The following ZNF26 variants were observed in gnomAD, a reference collection of about 807,000 sequenced individuals.
The protein encoded by ZNF26 is epididymis luminal protein 179.
A neutral mutation model predicts 54.9 loss-of-function variants in ZNF26; 32 were observed. That is an observed-to-expected ratio of 0.58 (90% CI 0.44 to 0.78). The LOEUF (loss-of-function observed/expected upper bound fraction) is 0.78, where lower values mean the gene tolerates loss of function less well. ZNF26 is among the 30% of genes least tolerant of loss of function. The pLI is 0.00. For missense variants in ZNF26, 524 were observed against 634.0 expected (o/e 0.83, Z 1.86); for synonymous variants, 221 against 209.2 (o/e 1.06, Z -0.49).
intron 1 of ZNF26, chr12:133,006,412 A>C (rs1953328539): frequency 2.0e-6 from 1 of 512,582 alleles, no homozygotes; most frequent in Non-Finnish European, 2.5e-6. Flanking sequence ...TCTGTACAAA[A>C]TGTACCCTGG....
rs2137280992 is a variant in ZNF26, at chr12:133,020,666, G to A, written c.*9185G>A. 6.6e-6 allele frequency: 1 copy of A among 152,190 alleles called. No individual in the cohort carries two copies. The highest frequency in any genetic ancestry group is 6.5e-5 in the Admixed American group (1 of 15,284). The allele number at this position is 152,190 out of a possible 1,614,324, so 9.4% of individuals were successfully genotyped here. Reference sequence around the variant, plus strand: ...ATCGTATAAGTTGTCTAGGACTGTCGTAACAAAGAACCACAAACTGGATGG... The same window carrying A: ...ATCGTATAAGTTGTCTAGGACTGTCATAACAAAGAACCACAAACTGGATGG... On this transcript the variant is annotated 3_prime_UTR_variant, in exon 4 of 4. Transcript: ENST00000328654.
intron 1 of ZNF26, chr12:132,987,768 G>A (rs1447233163): frequency 1.0e-6 from 1 of 981,298 alleles, no homozygotes; most frequent in East Asian, 1.1e-4. Context: ...AGAGGACCGA[G>A]GTGAGGACTC....
Position 133,022,374 on chromosome 12 carries a change from A to G in ZNF26, c.*10893A>G, listed in dbSNP as rs1953655246. 1 of 152,252 alleles carries G rather than the reference A, an allele frequency of 6.6e-6. No homozygotes were observed. The highest frequency in any genetic ancestry group is 1.5e-5 in the Non-Finnish European group (1 of 68,046). 9.4% of individuals were successfully genotyped at this position (152,252 alleles called of 1,614,324 possible). Reference sequence around the variant, plus strand: ...ATTTTCAGTGGCATCAAAATACAAAATAGATACAAATCTTATGGTGTTGGA... The same window carrying G: ...ATTTTCAGTGGCATCAAAATACAAAGTAGATACAAATCTTATGGTGTTGGA... On this transcript the variant is annotated 3_prime_UTR_variant, in exon 4 of 4. Coordinates refer to ENST00000328654, the MANE Select transcript of ZNF26 (RefSeq NM_019591.4).
intron 1 of ZNF26, 98 bp from the exon 2 acceptor site, chr12:133,006,944 T>C: frequency 7.2e-7 from 1 of 1,382,502 alleles, no homozygotes; most frequent in Non-Finnish European, 1.0e-6. Flanking sequence ...CAGGAAATAG[T>C]TGGTAGAGGA....
At position 133,009,806 on chromosome 12, in the gene ZNF26, C is replaced by T. The variant is rs970955128; in HGVS notation, c.257-330C>T. ...GCAACCTCCGCCTCCCAGGTTCAAG[C>T]GATTCTTCTGCCTCAGCTTCCCTAG... On this transcript the variant is annotated intron_variant, in intron 3 of 3. Transcript: ENST00000328654. Among the ~76,000 whole-genome samples, 9 of 152,222 alleles carry T rather than the reference C, an allele frequency of 5.9e-5. No homozygotes were observed. In the South Asian group the frequency reaches 1.0e-3, roughly 18 times the overall value.
At chr12:132,997,579 G>A (rs1421621262) in intron 1 of ZNF26, among the ~76,000 whole-genome samples, 2 of 152,186 alleles carry the variant, frequency 1.3e-5, no homozygotes, top group East Asian at 1.9e-4. Context: ...TCCCCTGAAC[G>A]TTAGGTAGGG....
At chr12:132,990,206 T>G (rs1358026225) in intron 1 of ZNF26, among the ~76,000 whole-genome samples, 1 of 152,202 alleles carries the variant, frequency 6.6e-6, no homozygotes, top group African/African-American at 2.4e-5. Flanking sequence ...AAGGATTGCT[T>G]GAGCCTGGGA....
At chr12:132,986,936 T>G in intron 1 of ZNF26, 63 bp downstream of exon 1, 55 of 1,520,122 alleles carry the variant, frequency 3.6e-5, no homozygotes, top group Non-Finnish European at 4.2e-5. Context: ...CGTTAATCTC[T>G]TCAGGGTTAC....
At position 133,010,733 on chromosome 12, in the gene ZNF26, C is replaced by G; in HGVS notation, c.854C>G (p.Pro285Arg). 6.2e-7 allele frequency: 1 copy of G among 1,613,270 alleles called. No homozygotes were observed. The highest frequency in any genetic ancestry group is 1.3e-5 in the African/African-American group (1 of 74,932). ...CAGAGAAGTCACACAGGAGTGAAACCGTATGAATGCAGCGAATGTGGGAAA... is the reference window on the plus strand; with the variant it reads ...CAGAGAAGTCACACAGGAGTGAAACGGTATGAATGCAGCGAATGTGGGAAA... ...LHQRSHTGVK[P>R]YECSECGKAF... Residue 285 changes from proline to arginine, a missense_variant, in exon 4 of 4, where the codon CCG becomes CGG. Pro to Arg is a moderately radical substitution (Grantham distance 103, BLOSUM62 -2). Transcript: ENST00000328654.
intron 3 of ZNF26, among the ~76,000 whole-genome samples, chr12:133,008,401 C>G (rs1370091246): frequency 1.3e-5 from 2 of 152,234 alleles, no homozygotes; most frequent in East Asian, 3.9e-4. Flanking sequence ...CTTAGCAAAC[C>G]ATCTTAGTTC....
rs1953560773 is a variant in ZNF26, at chr12:133,016,016, G to A, written c.*4535G>A. The A allele has an allele frequency of 6.6e-6, 1 of 151,372 alleles. No homozygotes were observed. The highest frequency in any genetic ancestry group is 1.5e-5 in the Non-Finnish European group (1 of 67,932). 9.4% of individuals were successfully genotyped at this position (151,372 alleles called of 1,614,324 possible). The stretch of plus-strand genomic sequence containing the variant: ...TGTTGAGAGAAGGAAGTGGCTTTTG[G>A]TTTTGTGAGTGTCTTGAAGATCTAA... On this transcript the variant is annotated 3_prime_UTR_variant, in exon 4 of 4. Coordinates refer to ENST00000328654, the MANE Select transcript of ZNF26 (RefSeq NM_019591.4).
chr12:133,014,177 A>G lies in ZNF26; in HGVS notation c.*2696A>G, dbSNP rs1953530140. 1 of 152,246 alleles carries G rather than the reference A, an allele frequency of 6.6e-6. No individual in the cohort carries two copies. Among genetic ancestry groups the G allele is most frequent in the South Asian group, 2.1e-4 (1 of 4,834 alleles). 9.4% of individuals were successfully genotyped at this position (152,246 alleles called of 1,614,324 possible). A position where few individuals can be genotyped will look rare whatever the true frequency, so the allele number is the denominator to read the frequency against. Reference sequence around the variant, plus strand: ...GGAAAATATGTAGAATTCATAGAGCATTGCAGGAATGAGTAATGTATCAAA... The same window carrying G: ...GGAAAATATGTAGAATTCATAGAGCGTTGCAGGAATGAGTAATGTATCAAA... On this transcript the variant is annotated 3_prime_UTR_variant, in exon 4 of 4. Coordinates refer to ENST00000328654, the MANE Select transcript of ZNF26 (RefSeq NM_019591.4).
chr12:133,008,775 CAAAAA>C (rs57200465), intron 3 of ZNF26, among the ~76,000 whole-genome samples: 5 of 61,466 alleles, frequency 8.1e-5, no homozygotes, highest in Admixed American at 2.0e-4. Context: ...GACTCCATCT[CAAAAA>C]AAAAAAAAAA....
At chr12:133,003,705 C>T (rs1953267907) in intron 1 of ZNF26, among the ~76,000 whole-genome samples, 1 of 152,212 alleles carries the variant, frequency 6.6e-6, no homozygotes, top group African/African-American at 2.4e-5. Flanking sequence ...ATCTCAACCT[C>T]CCTAATGGGC....
intron 1 of ZNF26, among the ~76,000 whole-genome samples, chr12:132,992,512 C>G (rs992544160): frequency 1.3e-5 from 2 of 152,088 alleles, no homozygotes; most frequent in Non-Finnish European, 1.5e-5. Context: ...TGGTGTCTGA[C>G]ATTACTTCAG....
chr12:133,008,185 G>A (rs1593665263), intron 3 of ZNF26, among the ~76,000 whole-genome samples: 2 of 152,042 alleles, frequency 1.3e-5, no homozygotes, highest in East Asian at 1.9e-4. Context: ...CTGTGGGAGC[G>A]CTACCCCACG....
chr12:133,002,034 T>G (rs1953229214), intron 1 of ZNF26, among the ~76,000 whole-genome samples: 5 of 152,120 alleles, frequency 3.3e-5, no homozygotes, highest in Non-Finnish European at 4.4e-5. Context: ...TCTCACGTGT[T>G]CTTAGCAAGG....
At chr12:133,008,775 C>CAAAAAAAAA (rs57200465) in intron 3 of ZNF26, among the ~76,000 whole-genome samples, 1 of 61,476 alleles carries the variant, frequency 1.6e-5, no homozygotes, top group Non-Finnish European at 3.3e-5. Context: ...GACTCCATCT[C>CAAAAAAAAA]AAAAAAAAAA....
At chr12:133,007,327 A>G (rs1953353185) in intron 2 of ZNF26, 110 bp from the exon 3 acceptor site, 1 of 1,303,720 alleles carries the variant, frequency 7.7e-7, no homozygotes, top group Non-Finnish European at 1.1e-6. Context: ...CACACTTCCT[A>G]ATTGTAATCT....
Sources: allele counts gnomAD v4.1 joint callset (sites outside exome capture counted in the v4.1 genomes callset), GRCh38; gene constraint gnomAD v4.1.1; transcripts MANE v1.5; gene names NCBI Gene and HGNC (gene_info 2026-07-23, HGNC 2026-07-21).